The following UBE2Q2 variants were observed in gnomAD, a reference collection of about 807,000 sequenced individuals.
UBE2Q2 encodes the protein ubiquitin-conjugating enzyme E2 Q2.
In UBE2Q2, 54 loss-of-function variants were observed where a neutral mutation model predicts 59.9. The observed-to-expected ratio is 0.90, with a 90% CI of 0.72 to 1.13. The LOEUF is 1.13. UBE2Q2 is among the 50% of genes most tolerant of loss of function. UBE2Q2 has a pLI of 0.00. For synonymous variants in UBE2Q2, 165 were observed against 155.2 expected, an observed-to-expected ratio of 1.06 and a Z score of -0.47; for missense variants, 433 against 441.9, an observed-to-expected ratio of 0.98 and a Z score of 0.18.
chr15:75,894,924 T>G (rs1899312028), intron 11 of UBE2Q2: 1 of 152,052 alleles, frequency 6.6e-6, no homozygotes, highest in East Asian at 2.0e-4. Context: ...AAAACTTTTT[T>G]GCCTGTAATC....
intron 4 of UBE2Q2, among the ~76,000 whole-genome samples, chr15:75,872,210 G>A (rs879658126): frequency 2.6e-5 from 4 of 151,718 alleles, no homozygotes; most frequent in Non-Finnish European, 5.9e-5. Context: ...CCGGGGCAAC[G>A]GAGCGAGACT....
rs1345518568 is a variant in UBE2Q2 at position 75,875,638 on chromosome 15, TG to T, written c.589-547del. Among the ~76,000 whole-genome samples, 4 of 152,326 alleles carry T rather than the reference TG, an allele frequency of 2.6e-5. No homozygotes were observed. The East Asian group carries it at 7.7e-4, about 29-fold the overall frequency. On this transcript the variant is annotated intron_variant, in intron 5 of 12. Coordinates refer to ENST00000267938, the MANE Select transcript of UBE2Q2 (RefSeq NM_173469.4). ...GAATTCTTTGTTATTGTGGAATCCA[TG>T]GTGGTCTGGACATGTTGGCTAGACT...
At chr15:75,884,171 G>A (rs1246379423) in intron 9 of UBE2Q2, among the ~76,000 whole-genome samples, 1 of 152,228 alleles carries the variant, frequency 6.6e-6, no homozygotes, top group Non-Finnish European at 1.5e-5. Context: ...GAAATGTTCA[G>A]TAGGCCCTCA....
chr15:75,898,752 AAAT>A (rs1056714834), intron 12 of UBE2Q2, among the ~76,000 whole-genome samples: 26 of 152,266 alleles, frequency 1.7e-4, no homozygotes, highest in African/African-American at 6.3e-4. Context: ...TTGTTTGGGG[AAAT>A]AAGTACTTTC....
At chr15:75,853,473 A>G (rs1567016749) in intron 1 of UBE2Q2, among the ~76,000 whole-genome samples, 1 of 148,422 alleles carries the variant, frequency 6.7e-6, no homozygotes, top group Non-Finnish European at 1.5e-5. Flanking sequence ...TGTCTCGAGG[A>G]AAAAAAGAAA....
chr15:75,844,193 G>C, intron 1 of UBE2Q2: 1 of 1,412,938 alleles, frequency 7.1e-7, no homozygotes, highest in Non-Finnish European at 9.3e-7. Flanking sequence ...CGGGACCGGG[G>C]CGGGGCGGGG....
At chr15:75,884,430 A>G (rs989920014) in intron 9 of UBE2Q2, among the ~76,000 whole-genome samples, 17 of 152,164 alleles carry the variant, frequency 1.1e-4, no homozygotes, top group African/African-American at 9.7e-5. Context: ...ACATGCTTAT[A>G]TATGTGTTTT....
At chr15:75,882,401 T>C (rs1415017310) in intron 8 of UBE2Q2, among the ~76,000 whole-genome samples, 1 of 152,194 alleles carries the variant, frequency 6.6e-6, no homozygotes, top group African/African-American at 2.4e-5. Context: ...GTATAGACTT[T>C]ATGGAATAGA....
chr15:75,863,965 C>T (rs1360266372), intron 3 of UBE2Q2, among the ~76,000 whole-genome samples: 1 of 152,074 alleles, frequency 6.6e-6, no homozygotes, highest in Admixed American at 6.6e-5. Flanking sequence ...TGTAAGACAT[C>T]TGCAGCTTGT....
Position 75,854,467 on chromosome 15 carries a change from G to C in UBE2Q2, c.262G>C (p.Asp88His), listed in dbSNP as rs935449154. 1.2e-6 allele frequency: 2 copies of C among 1,610,822 alleles called. No homozygotes were observed. Among genetic ancestry groups the C allele is most frequent in the Non-Finnish European group, 1.7e-6 (2 of 1,178,362 alleles). ...NLTSVLERLEDTKNNNLLRQQ... is the reference protein window; with the variant it reads ...NLTSVLERLEHTKNNNLLRQQ... Reference sequence around the variant, plus strand: ...GACATCAGTTCTGGAACGTCTAGAAGATACTAAGAACAACAATTTGGTAAG... The same window carrying C: ...GACATCAGTTCTGGAACGTCTAGAACATACTAAGAACAACAATTTGGTAAG... Residue 88 changes from aspartate (D) to histidine (H), a missense_variant, in exon 2 of 13, where the codon GAT becomes CAT. Coordinates refer to ENST00000267938, the MANE Select transcript of UBE2Q2 (RefSeq NM_173469.4).
intron 9 of UBE2Q2, among the ~76,000 whole-genome samples, chr15:75,883,748 C>G (rs565740246): frequency 2.0e-5 from 3 of 152,070 alleles, no homozygotes; most frequent in African/African-American, 7.2e-5. Context: ...TGCTGTTGTT[C>G]TGGGGCCCAC....
intron 1 of UBE2Q2, among the ~76,000 whole-genome samples, chr15:75,846,727 CAG>C (rs942327390): frequency 2.0e-5 from 3 of 152,178 alleles, no homozygotes; most frequent in African/African-American, 7.2e-5. Flanking sequence ...CCTCTTTAGA[CAG>C]TTCAAATATT....
intron 3 of UBE2Q2, among the ~76,000 whole-genome samples, chr15:75,867,291 T>C (rs1294023094): frequency 6.6e-6 from 1 of 152,172 alleles, no homozygotes; most frequent in Non-Finnish European, 1.5e-5. Flanking sequence ...TATAGGAGAG[T>C]GATCCTTACC....
Position 75,868,983 on chromosome 15 carries a change from A to C in UBE2Q2, c.420A>C (p.Glu140Asp), listed in dbSNP as rs199933200. ...NGTTEEVTSE[E>D]EEEEEEMAED... ...CAACAGAAGAAGTGACTTCAGAAGA[A>C]GAGGAAGAAGAAGAAGAGATGGCTG... The change falls in exon 4 of 13, where the codon GAA becomes GAC. Residue 140 changes from glutamate (E) to aspartate (D), a missense_variant. Physicochemically the swap from Glu to Asp is conservative, Grantham distance 45. Transcript: ENST00000267938. 9 of 1,612,884 alleles carry C rather than the reference A, an allele frequency of 5.6e-6. No homozygotes were observed. The Admixed American group carries it at 1.2e-4, about 21-fold the overall frequency.
chr15:75,851,508 G>A (rs866173586), intron 1 of UBE2Q2, among the ~76,000 whole-genome samples: 1 of 151,758 alleles, frequency 6.6e-6, no homozygotes, highest in Admixed American at 6.6e-5. Flanking sequence ...CTTGGAAAAC[G>A]GTGGTGGATA....
intron 8 of UBE2Q2, among the ~76,000 whole-genome samples, chr15:75,881,262 C>T (rs546652899): frequency 2.6e-5 from 4 of 152,054 alleles, no homozygotes; most frequent in African/African-American, 7.2e-5. Context: ...GTCCCTGTGG[C>T]CCCCTGTGTG....
chr15:75,881,481 G>C (rs1483378047), intron 8 of UBE2Q2, among the ~76,000 whole-genome samples: 1 of 152,158 alleles, frequency 6.6e-6, no homozygotes, highest in African/African-American at 2.4e-5. Context: ...ATACCACAAA[G>C]AAGGGCCTTT....
chr15:75,860,104 A>T, intron 3 of UBE2Q2, 122 bp downstream of exon 3: 1 of 742,620 alleles, frequency 1.3e-6, no homozygotes, highest in South Asian at 1.9e-5. Flanking sequence ...TTTTGTTCCT[A>T]TTGAATTGTT....
chr15:75,869,079 T>C, intron 4 of UBE2Q2, 69 bp downstream of exon 4: 9 of 1,322,224 alleles, frequency 6.8e-6, no homozygotes, highest in Non-Finnish European at 2.1e-6. Flanking sequence ...AATTCTCAAA[T>C]CTTTTTTATA....
Sources: gnomAD v4.1 joint callset for allele counts (sites outside exome capture counted in the v4.1 genomes callset) on GRCh38, gnomAD v4.1.1 for gene constraint, MANE v1.5 for transcripts, NCBI Gene and HGNC (gene_info 2026-07-23, HGNC 2026-07-21) for gene names.